The following PTPN1 variants were observed in gnomAD, a reference collection of about 807,000 sequenced individuals.
PTPN1 encodes the protein protein tyrosine phosphatase non-receptor type 1.
A neutral mutation model predicts 59.9 loss-of-function variants in PTPN1; 12 were observed. The observed-to-expected ratio is 0.20, with a 90% confidence interval of 0.13 to 0.32. The LOEUF (loss-of-function observed/expected upper bound fraction) is 0.32. Ranked by LOEUF, PTPN1 falls within the 10% of genes least tolerant of loss-of-function variation. The pLI, the probability that PTPN1 is intolerant of heterozygous loss-of-function variation, is 1.00. For missense variants in PTPN1, 356 were observed against 549.2 expected (o/e 0.65, Z 3.52); for synonymous variants, 178 against 203.6 (o/e 0.87, Z 1.07).
intron 1 of PTPN1, among the ~76,000 whole-genome samples, chr20:50,548,801 T>C (rs777937094): frequency 9.9e-5 from 15 of 152,196 alleles, no homozygotes; most frequent in Non-Finnish European, 1.9e-4. Flanking sequence ...CACTGCAACC[T>C]CTGCCTCCTG....
At chr20:50,523,180 G>C (rs1353688735) in intron 1 of PTPN1, among the ~76,000 whole-genome samples, 1 of 152,176 alleles carries the variant, frequency 6.6e-6, no homozygotes, top group Non-Finnish European at 1.5e-5. Context: ...TTCCAGATTA[G>C]GGAAATAGCT....
Position 50,584,206 on chromosome 20 carries a change from A to C in PTPN1, c.*1491A>C, listed in dbSNP as rs995042563. On this transcript the variant is annotated 3_prime_UTR_variant, in exon 10 of 10. Coordinates refer to ENST00000371621, the MANE Select transcript of PTPN1 (RefSeq NM_002827.4). ...CACATTTTGCCTTTCTCGTGGTAGA[A>C]GCCAGTACAGAGAAATTCTGTGGTG... is the stretch of plus-strand genomic sequence containing the variant. 6.6e-6 allele frequency: 1 copy of C among 152,588 alleles called. No homozygotes were observed. The highest frequency in any genetic ancestry group is 1.5e-5 in the Non-Finnish European group (1 of 68,048). 9.5% of individuals were successfully genotyped at this position (152,588 alleles called of 1,614,324 possible).
rs1375452185 is a variant in PTPN1 at position 50,510,603 on chromosome 20, C to T, written c.63+13C>T. 8 of 1,550,588 alleles carry T rather than the reference C, an allele frequency of 5.2e-6. No individual in the cohort carries two copies. In the Admixed American group the frequency reaches 9.8e-5, roughly 19 times the overall value. Reference sequence around the variant, plus strand: ...GGCCATTTACCAGGTGCGGGAGCGCCCCGGAGCGTGGCGGGCCCTTCGCTT... The same window carrying T: ...GGCCATTTACCAGGTGCGGGAGCGCTCCGGAGCGTGGCGGGCCCTTCGCTT... On this transcript the variant is annotated intron_variant, in intron 1 of 9. Coordinates refer to ENST00000371621, the MANE Select transcript of PTPN1 (RefSeq NM_002827.4).
At chr20:50,519,060 G>A (rs1455761453) in intron 1 of PTPN1, among the ~76,000 whole-genome samples, 2 of 152,074 alleles carry the variant, frequency 1.3e-5, no homozygotes, top group African/African-American at 4.8e-5. Flanking sequence ...AGGAATATTA[G>A]TGCCATTATC....
chr20:50,574,593 T>C lies in PTPN1; in HGVS notation c.431T>C (p.Leu144Ser), dbSNP rs2082826908. ...IFEDTNLKLT[L>S]ISEDIKSYYT... ...GAAGACACAAATTTGAAATTAACAT[T>C]GATCTCTGAAGATATCAAGTCATAT... Residue 144 changes from leucine (L) to serine (S), a missense_variant, in exon 5 of 10, where the codon TTG becomes TCG. Physicochemically the swap from Leu to Ser is moderately radical, Grantham distance 145. Coordinates refer to ENST00000371621, the MANE Select transcript of PTPN1 (RefSeq NM_002827.4). 1 of 1,609,120 alleles carries C rather than the reference T, an allele frequency of 6.2e-7. No individual in the cohort carries two copies. The highest frequency in any genetic ancestry group is 1.7e-5 in the Admixed American group (1 of 58,876).
chr20:50,555,069 GA>G (rs1308469723), intron 1 of PTPN1, among the ~76,000 whole-genome samples: 1 of 152,030 alleles, frequency 6.6e-6, no homozygotes, highest in African/African-American at 2.4e-5. Flanking sequence ...TAAGAAATTA[GA>G]AAAAGAACAA....
intron 1 of PTPN1, among the ~76,000 whole-genome samples, chr20:50,522,287 C>G (rs2082554814): frequency 6.6e-6 from 1 of 152,158 alleles, no homozygotes; most frequent in Admixed American, 6.5e-5. Context: ...TTTCCAGGAA[C>G]TATTTTTGAT....
chr20:50,513,454 T>C (rs1360969848), intron 1 of PTPN1, among the ~76,000 whole-genome samples: 1 of 152,104 alleles, frequency 6.6e-6, no homozygotes, highest in Non-Finnish European at 1.5e-5. Flanking sequence ...CCATCTGTAG[T>C]TTAAGAGGGG....
Position 50,523,218 on chromosome 20 carries a change from G to T in PTPN1, c.63+12628G>T, listed in dbSNP as rs115144651. Among the ~76,000 whole-genome samples the T allele has an allele frequency of 6.8e-3, 1,039 of 152,322 alleles. 9 individuals carry two copies. Among genetic ancestry groups the T allele is most frequent in the African/African-American group, 0.024 (1,000 of 41,568 alleles). On this transcript the variant is annotated intron_variant, in intron 1 of 9. Coordinates refer to ENST00000371621, the MANE Select transcript of PTPN1 (RefSeq NM_002827.4). Reference sequence around the variant, plus strand: ...ATGGAAGATGCAGCCCCTCATCAAGGTGGGGACACAGGAAAAGGAACGTGT... The same window carrying T: ...ATGGAAGATGCAGCCCCTCATCAAGTTGGGGACACAGGAAAAGGAACGTGT...
intron 1 of PTPN1, 79 bp from the exon 2 acceptor site, chr20:50,561,284 C>T (rs1290514422): frequency 2.7e-6 from 3 of 1,094,702 alleles, no homozygotes; most frequent in Non-Finnish European, 4.1e-6. Flanking sequence ...TATTGCCCGG[C>T]TCTCTTTGAT....
chr20:50,511,731 C>T (rs1209839986), intron 1 of PTPN1, among the ~76,000 whole-genome samples: 2 of 152,150 alleles, frequency 1.3e-5, no homozygotes, highest in Admixed American at 1.3e-4. Context: ...AATGTCATTG[C>T]GGGGGTTGTT....
rs540527776 is a variant in PTPN1, at chr20:50,576,372, T to G, written c.492+1718T>G. On this transcript the variant is annotated intron_variant, in intron 5 of 9. Coordinates refer to ENST00000371621, the MANE Select transcript of PTPN1 (RefSeq NM_002827.4). ...TACAGCCAGCTCAGAGGTTTTGATG[T>G]TAGGATCTGTTTGCTCCAACAGACT... is the stretch of plus-strand genomic sequence containing the variant. Among the ~76,000 whole-genome samples the G allele has an allele frequency of 7.0e-4, 106 of 152,294 alleles. 1 individual carries two copies. The highest frequency in any genetic ancestry group is 2.4e-3 in the African/African-American group (99 of 41,544).
chr20:50,514,175 G>A (rs908682868), intron 1 of PTPN1, among the ~76,000 whole-genome samples: 3 of 152,222 alleles, frequency 2.0e-5, no homozygotes, highest in African/African-American at 7.2e-5. Flanking sequence ...GTTTTTGGAA[G>A]TAAGTAAACC....
chr20:50,524,567 G>GTTTTTTTTTTTTTT (rs1386022104), intron 1 of PTPN1, among the ~76,000 whole-genome samples: 1 of 64,114 alleles, frequency 1.6e-5, no homozygotes, highest in African/African-American at 7.9e-5. Flanking sequence ...CCATTATGTG[G>GTTTTTTTTTTTTTT]TCTTTTTTTT....
chr20:50,574,968 TC>T, intron 5 of PTPN1: 1 of 290,256 alleles, frequency 3.4e-6, no homozygotes. Flanking sequence ...AGCCTGCAAG[TC>T]CCAGTGAAGC....
intron 1 of PTPN1, among the ~76,000 whole-genome samples, chr20:50,553,466 G>T (rs975515385): frequency 4.6e-5 from 7 of 152,136 alleles, no homozygotes; most frequent in Admixed American, 2.6e-4. Context: ...CACTTTGTAG[G>T]GTGTCTCTTC....
Position 50,583,060 on chromosome 20 carries a change from C to T in PTPN1, c.*345C>T. The T allele has an allele frequency of 3.1e-6, 1 of 321,226 alleles. No homozygotes were observed. The highest frequency in any genetic ancestry group is 5.7e-6 in the Non-Finnish European group (1 of 173,964). 19.9% of individuals were successfully genotyped at this position (321,226 alleles called of 1,614,324 possible). On this transcript the variant is annotated 3_prime_UTR_variant, in exon 10 of 10. Coordinates refer to ENST00000371621, the MANE Select transcript of PTPN1 (RefSeq NM_002827.4). ...CTCCTGGAGCATCCCAGGCGGGCGG[C>T]ACGCCAACAGCCCCCCCCTTGAATC...
At chr20:50,537,550 A>G (rs1312137475) in intron 1 of PTPN1, among the ~76,000 whole-genome samples, 2 of 152,182 alleles carry the variant, frequency 1.3e-5, no homozygotes, top group Non-Finnish European at 2.9e-5. Context: ...CTCTTTTATT[A>G]TAAAGCTGTT....
chr20:50,539,065 C>T (rs1216173161), intron 1 of PTPN1, among the ~76,000 whole-genome samples: 3 of 97,144 alleles, frequency 3.1e-5, no homozygotes, highest in African/African-American at 1.1e-4. Flanking sequence ...GAAAGAGTTT[C>T]GCTCTTGTTG....
Sources: gnomAD v4.1 joint callset for allele counts (sites outside exome capture counted in the v4.1 genomes callset) on GRCh38, gnomAD v4.1.1 for gene constraint, MANE v1.5 for transcripts, NCBI Gene and HGNC (gene_info 2026-07-23, HGNC 2026-07-21) for gene names.